WWOX: variants seen among roughly 807,000 people sequenced by gnomAD.
The protein encoded by WWOX is WW domain containing oxidoreductase.
Under a neutral mutation model 46.2 loss-of-function variants are expected in WWOX, and 69 were observed. The ratio of observed to expected loss-of-function variants is 1.49; its 90% CI spans 1.23 to 1.82. The LOEUF (loss-of-function observed/expected upper bound fraction) is 1.82. Ranked by LOEUF, WWOX falls within the 40% of genes most tolerant of loss-of-function variation. The pLI is 0.00. For synonymous variants in WWOX, 359 were observed against 202.6 expected (o/e 1.77, Z -6.56); for missense variants, 919 against 542.6 (o/e 1.69, Z -6.89).
At chr16:78,449,956 G>A (rs910793386) in intron 8 of WWOX, among the ~76,000 whole-genome samples, 1 of 151,442 alleles carries the variant, frequency 6.6e-6, no homozygotes, top group African/African-American at 2.4e-5. Flanking sequence ...CAAAGCCTGT[G>A]TAGAATATCT....
At chr16:78,720,566 A>ACAGAGC (rs2048665572) in intron 8 of WWOX, among the ~76,000 whole-genome samples, 3 of 151,578 alleles carry the variant, frequency 2.0e-5, no homozygotes, top group African/African-American at 7.3e-5. Flanking sequence ...TCTGTGAGAG[A>ACAGAGC]CAGAGCCAGA....
intron 8 of WWOX, among the ~76,000 whole-genome samples, chr16:78,778,779 C>G (rs2050253725): frequency 6.6e-6 from 1 of 152,182 alleles, no homozygotes; most frequent in South Asian, 2.1e-4. Context: ...CGTCCCCAAC[C>G]CTGAGCCATT....
At chr16:78,317,694 C>A (rs2080383976) in intron 5 of WWOX, among the ~76,000 whole-genome samples, 3 of 152,064 alleles carry the variant, frequency 2.0e-5, no homozygotes. Flanking sequence ...TGACTCTGTC[C>A]AGAGAGTAAG....
intron 8 of WWOX, among the ~76,000 whole-genome samples, chr16:79,132,472 A>T (rs2150698486): frequency 6.6e-6 from 1 of 152,248 alleles, no homozygotes; most frequent in African/African-American, 2.4e-5. Flanking sequence ...AATGGTACTT[A>T]TTTGGGAGAG....
intron 8 of WWOX, among the ~76,000 whole-genome samples, chr16:79,029,837 G>A (rs896673323): frequency 6.6e-6 from 1 of 152,108 alleles, no homozygotes; most frequent in African/African-American, 2.4e-5. Flanking sequence ...ATCAAACATT[G>A]TTTACTGTCT....
At chr16:78,740,980 C>T (rs564778947) in intron 8 of WWOX, among the ~76,000 whole-genome samples, 7 of 152,296 alleles carry the variant, frequency 4.6e-5, no homozygotes, top group African/African-American at 1.4e-4. Flanking sequence ...AAGCCCTTCT[C>T]TTACAGGCCA....
chr16:78,932,388 A>G (rs1162573374), intron 8 of WWOX, among the ~76,000 whole-genome samples: 1 of 152,138 alleles, frequency 6.6e-6, no homozygotes, highest in African/African-American at 2.4e-5. Flanking sequence ...TTTTCTTTGT[A>G]TAGACAGCCT....
intron 8 of WWOX, among the ~76,000 whole-genome samples, chr16:78,625,414 T>A (rs764791788): frequency 5.3e-5 from 8 of 152,184 alleles, no homozygotes; most frequent in Non-Finnish European, 1.0e-4. Context: ...TAGAATGCCA[T>A]ATGCTTTTCT....
intron 8 of WWOX, among the ~76,000 whole-genome samples, chr16:78,821,312 G>A (rs901845031): frequency 6.6e-6 from 1 of 152,150 alleles, no homozygotes; most frequent in African/African-American, 2.4e-5. Flanking sequence ...AGCTAGTTAT[G>A]ATGGAGGGTG....
intron 8 of WWOX, among the ~76,000 whole-genome samples, chr16:78,796,081 A>G (rs2050728602): frequency 6.6e-6 from 1 of 152,242 alleles, no homozygotes; most frequent in Non-Finnish European, 1.5e-5. Flanking sequence ...AGACTGGCTA[A>G]GAGAATGGCT....
At chr16:78,554,987 G>A (rs1275237380) in intron 8 of WWOX, among the ~76,000 whole-genome samples, 1 of 152,126 alleles carries the variant, frequency 6.6e-6, no homozygotes, top group Non-Finnish European at 1.5e-5. Context: ...AAGGGGCCCG[G>A]ATAAACCAGC....
At chr16:78,875,018 A>G (rs2044207520) in intron 8 of WWOX, among the ~76,000 whole-genome samples, 1 of 152,226 alleles carries the variant, frequency 6.6e-6, no homozygotes, top group Admixed American at 6.5e-5. Context: ...GAATCTTTCA[A>G]TATCCTATGC....
intron 6 of WWOX, among the ~76,000 whole-genome samples, chr16:78,406,005 A>G (rs983233248): frequency 6.6e-6 from 1 of 152,084 alleles, no homozygotes; most frequent in Non-Finnish European, 1.5e-5. Context: ...TTAACTGGGG[A>G]TCATGTTTCT....
chr16:78,365,555 C>T (rs1455418006), intron 5 of WWOX, among the ~76,000 whole-genome samples: 3 of 152,056 alleles, frequency 2.0e-5, no homozygotes, highest in Non-Finnish European at 4.4e-5. Context: ...TGTGCTGTCC[C>T]CAGTAGGATT....
chr16:78,227,339 ATCATGTGTT>A (rs1372169346), intron 5 of WWOX, among the ~76,000 whole-genome samples: 1 of 151,600 alleles, frequency 6.6e-6, no homozygotes, highest in Non-Finnish European at 1.5e-5. Context: ...TTGGGAGGTA[ATCATGTGTT>A]ACCTGAGACT....
chr16:78,125,518 G>A (rs1228715415), intron 4 of WWOX, among the ~76,000 whole-genome samples: 3 of 152,172 alleles, frequency 2.0e-5, no homozygotes, highest in Non-Finnish European at 4.4e-5. Context: ...TCTGCGGGGA[G>A]GGCCAAGGCA....
intron 8 of WWOX, among the ~76,000 whole-genome samples, chr16:78,626,053 T>G (rs1341994445): frequency 1.3e-5 from 2 of 152,008 alleles, no homozygotes; most frequent in South Asian, 2.1e-4. Flanking sequence ...TTTATCATAT[T>G]GCCTTAGGTT....
chr16:78,269,528 C>T (rs2079433944), intron 5 of WWOX, among the ~76,000 whole-genome samples: 1 of 152,178 alleles, frequency 6.6e-6, no homozygotes, highest in African/African-American at 2.4e-5. Flanking sequence ...AAGACTTCAG[C>T]CACCGATTTA....
At chr16:78,779,013 G>C (rs1303162342) in intron 8 of WWOX, among the ~76,000 whole-genome samples, 1 of 152,170 alleles carries the variant, frequency 6.6e-6, no homozygotes, top group East Asian at 1.9e-4. Context: ...TGACCAGTCT[G>C]AATAAAACCA....
Sources: gnomAD v4.1 joint callset for allele counts (sites outside exome capture counted in the v4.1 genomes callset) on GRCh38, gnomAD v4.1.1 for gene constraint, MANE v1.5 for transcripts, NCBI Gene and HGNC (gene_info 2026-07-23, HGNC 2026-07-21) for gene names.